PCDHA10: variants seen among roughly 807,000 people sequenced by gnomAD.
PCDHA10 encodes protocadherin alpha 10.
A neutral mutation model predicts 61.2 loss-of-function variants in PCDHA10; 45 were observed. The observed-to-expected ratio is 0.74, with a 90% CI of 0.58 to 0.94. The LOEUF is 0.94. PCDHA10 is among the 40% of genes least tolerant of loss of function. The pLI is 0.00. For missense variants in PCDHA10, 1,278 were observed against 1,236.2 expected, an observed-to-expected ratio of 1.03 and a Z score of -0.51; for synonymous variants, 602 against 548.8, an observed-to-expected ratio of 1.10 and a Z score of -1.35.
intron 1 of PCDHA10, chr5:140,929,269 A>G (rs138062218): frequency 3.0e-5 from 49 of 1,611,106 alleles, no homozygotes; most frequent in African/African-American, 5.3e-5. Context: ...GAATTTGCCA[A>G]TATCCTGTAT....
At chr5:140,957,855 T>TC (rs1398127159) in intron 1 of PCDHA10, among the ~76,000 whole-genome samples, 1 of 151,980 alleles carries the variant, frequency 6.6e-6, no homozygotes, top group Non-Finnish European at 1.5e-5. Context: ...TTTGTGTATT[T>TC]TTTTTCCTAT....
intron 1 of PCDHA10, among the ~76,000 whole-genome samples, chr5:140,914,462 G>A (rs1554196374): frequency 6.6e-6 from 1 of 152,068 alleles, no homozygotes; most frequent in East Asian, 1.9e-4. Context: ...CAGTCTATGT[G>A]TATCTTCATA....
At chr5:140,882,071 ATGGTGTC>A in intron 1 of PCDHA10, 1 of 864,194 alleles carries the variant, frequency 1.2e-6, no homozygotes, top group Non-Finnish European at 1.7e-6. Context: ...GTTCATGCGC[ATGGTGTC>A]GCTCTTCACT....
Position 140,968,192 on chromosome 5 carries a change from A to G in PCDHA10, c.2389-10757A>G, listed in dbSNP as rs555596025. The G allele has an allele frequency of 2.5e-6, 4 of 1,614,038 alleles. No individual in the cohort carries two copies. The Admixed American group carries it at 5.0e-5, about 20-fold the overall frequency. ...AAGCTTCCTGGAGGACTCCTATTCC[A>G]TCTACATACAGGAGAACAATTTGCC... On this transcript the variant is annotated intron_variant, in intron 1 of 3. Coordinates refer to ENST00000307360, the MANE Select transcript of PCDHA10 (RefSeq NM_018901.4).
chr5:141,006,931 G>A (rs1268492539), intron 3 of PCDHA10, among the ~76,000 whole-genome samples: 1 of 152,158 alleles, frequency 6.6e-6, no homozygotes, highest in African/African-American at 2.4e-5. Flanking sequence ...ATTTCCAACT[G>A]GGGATACCAG....
chr5:140,907,439 A>T (rs1217956706), intron 1 of PCDHA10, among the ~76,000 whole-genome samples: 1 of 152,250 alleles, frequency 6.6e-6, no homozygotes, highest in Non-Finnish European at 1.5e-5. Flanking sequence ...CTGTGAGTCC[A>T]CAGATGGTAA....
chr5:140,919,097 C>T lies in PCDHA10; in HGVS notation c.2389-59852C>T, dbSNP rs531325561. Among the ~76,000 whole-genome samples the T allele has an allele frequency of 5.3e-5, 8 of 152,242 alleles. No homozygotes were observed. The South Asian group carries it at 1.7e-3, about 32-fold the overall frequency. ...TATGACTATTGAATTGTCTATTTCT[C>T]CCTTCATTTCTGCCAGTTTTTGCTT... On this transcript the variant is annotated intron_variant, in intron 1 of 3. Coordinates refer to ENST00000307360, the MANE Select transcript of PCDHA10 (RefSeq NM_018901.4).
intron 1 of PCDHA10, among the ~76,000 whole-genome samples, chr5:140,971,291 C>T (rs541777110): frequency 1.1e-4 from 17 of 152,164 alleles, no homozygotes; most frequent in Admixed American, 3.3e-4. Flanking sequence ...TTAATATGTA[C>T]TTTGGTACAC....
At chr5:140,873,657 C>CTA in intron 1 of PCDHA10, among the ~76,000 whole-genome samples, 1 of 152,206 alleles carries the variant, frequency 6.6e-6, no homozygotes, top group South Asian at 2.1e-4. Context: ...ACATAACACA[C>CTA]TATTATTATT....
chr5:140,984,168 A>C (rs1181991691), intron 3 of PCDHA10, among the ~76,000 whole-genome samples: 1 of 152,204 alleles, frequency 6.6e-6, no homozygotes, highest in Non-Finnish European at 1.5e-5. Context: ...TTCCCAAAGA[A>C]GCCACGTGAA....
chr5:140,867,131 T>C (rs769857763), intron 1 of PCDHA10: 1 of 152,188 alleles, frequency 6.6e-6, no homozygotes, highest in African/African-American at 2.4e-5. Context: ...TTCAAATATG[T>C]GATATTATCA....
chr5:140,919,509 A>G (rs897648504), intron 1 of PCDHA10, among the ~76,000 whole-genome samples: 1 of 152,052 alleles, frequency 6.6e-6, no homozygotes, highest in Non-Finnish European at 1.5e-5. Context: ...CTTTTTCTAT[A>G]TGTTTTAATT....
At chr5:140,878,575 C>T (rs1339417321) in intron 1 of PCDHA10, among the ~76,000 whole-genome samples, 1 of 152,222 alleles carries the variant, frequency 6.6e-6, no homozygotes, top group African/African-American at 2.4e-5. Context: ...TAGTATACCA[C>T]TGCCCTGTGC....
At chr5:140,966,697 G>T (rs2096039921) in intron 1 of PCDHA10, 1 of 1,363,184 alleles carries the variant, frequency 7.3e-7, no homozygotes, top group Admixed American at 3.6e-5. Context: ...GCGGGGCCCG[G>T]GCGTGGGGCA....
At position 140,858,665 on chromosome 5, in the gene PCDHA10, A is replaced by G. The variant is rs2045550518; in HGVS notation, c.2388+229A>G. On this transcript the variant is annotated intron_variant, in intron 1 of 3. Transcript: ENST00000307360. ...GGTACTTAAATTTTTTTAAATAACAATTTATTCTGAATACACTAATATTTT... is the reference window on the plus strand; with the variant it reads ...GGTACTTAAATTTTTTTAAATAACAGTTTATTCTGAATACACTAATATTTT... 5.6e-6 allele frequency: 4 copies of G among 718,718 alleles called. 1 individual carries two copies. The highest frequency in any genetic ancestry group is 1.8e-5 in the African/African-American group (1 of 55,644). 44.5% of individuals were successfully genotyped at this position (718,718 alleles called of 1,614,324 possible).
chr5:140,910,845 G>T (rs1448971238), intron 1 of PCDHA10, among the ~76,000 whole-genome samples: 1 of 152,090 alleles, frequency 6.6e-6, no homozygotes, highest in Admixed American at 6.5e-5. Flanking sequence ...CAATGCCTTG[G>T]ATCTATGTTC....
chr5:140,919,239 C>G (rs2079049864), intron 1 of PCDHA10, among the ~76,000 whole-genome samples: 1 of 152,188 alleles, frequency 6.6e-6, no homozygotes, highest in Non-Finnish European at 1.5e-5. Context: ...CACTTTTTGT[C>G]TTGTCTGTTT....
intron 1 of PCDHA10, among the ~76,000 whole-genome samples, chr5:140,922,677 G>C (rs545719033): frequency 6.6e-6 from 1 of 152,306 alleles, no homozygotes; most frequent in Admixed American, 6.5e-5. Flanking sequence ...CAGTAAAAAA[G>C]TGAACAGGCT....
chr5:140,950,741 C>G (rs149114023), intron 1 of PCDHA10, among the ~76,000 whole-genome samples: 2,002 of 152,118 alleles, frequency 0.013, 30 homozygotes, highest in South Asian at 0.028. Context: ...ATCCTAATTT[C>G]TCTCTATCCT....
Sources: gnomAD v4.1 joint callset for allele counts (sites outside exome capture counted in the v4.1 genomes callset) on GRCh38, gnomAD v4.1.1 for gene constraint, MANE v1.5 for transcripts, NCBI Gene and HGNC (gene_info 2026-07-23, HGNC 2026-07-21) for gene names.